Variants in FAM149A observed in about 807,000 individuals in gnomAD.
FAM149A encodes the protein family with sequence similarity 149 member A, also known as protein FAM149A.
FAM149A carries 71 observed loss-of-function variants against 78.2 expected under a neutral mutation model. That is an observed-to-expected ratio of 0.91 (90% CI 0.75 to 1.11). The LOEUF is 1.11. FAM149A is among the 50% of genes least tolerant of loss of function. The pLI is 0.00. For synonymous variants in FAM149A, 446 were observed against 410.5 expected (o/e 1.09, Z -1.04); for missense variants, 1,036 against 971.0 (o/e 1.07, Z -0.89).
Position 186,167,265 on chromosome 4 carries a change from C to T in FAM149A, c.2218+3C>T, listed in dbSNP as rs1007383854. ...GACAGGTCAAAGTATTTTGACAGGT[C>T]AGCTTTTCTCCATATGTAAATAAAG... On this transcript the variant is annotated splice_donor_region_variant and intron_variant, in intron 13 of 13. Coordinates refer to ENST00000389354, the MANE Select transcript of FAM149A (RefSeq NM_001367768.3). 2.5e-6 allele frequency: 4 copies of T among 1,610,050 alleles called. No individual in the cohort carries two copies. The highest frequency in any genetic ancestry group is 2.7e-5 in the African/African-American group (2 of 74,832).
At position 186,167,008 on chromosome 4, in the gene FAM149A, T is replaced by C; in HGVS notation, c.2051T>C (p.Met684Thr). 2 of 1,614,098 alleles carry C rather than the reference T, an allele frequency of 1.2e-6. No individual in the cohort carries two copies. The highest frequency in any genetic ancestry group is 1.7e-6 in the Non-Finnish European group (2 of 1,179,956). ...CTACAAAACCGTGTGTTGAGTGCCA[T>C]GCCTGACGGTACAGAACGATCGCGT... The change falls in exon 12 of 14, where the codon ATG becomes ACG. Residue 684 changes from methionine to threonine, a missense_variant. Met to Thr is a moderately conservative substitution (Grantham distance 81). Transcript: ENST00000389354.
chr4:186,168,702 C>T (rs62350493), intron 13 of FAM149A, among the ~76,000 whole-genome samples: 2,155 of 152,280 alleles, frequency 0.014, 22 homozygotes, highest in Non-Finnish European at 0.022. Context: ...GGGAAGTAGG[C>T]GCCCAAGTTA....
chr4:186,150,512 C>G (rs1277443260), intron 3 of FAM149A, among the ~76,000 whole-genome samples: 1 of 138,292 alleles, frequency 7.2e-6, no homozygotes, highest in African/African-American at 2.7e-5. Context: ...CTCCGCCTCC[C>G]GGGTTCACGC....
chr4:186,129,132 CCTCTGTGTGT>C (rs918661793), intron 1 of FAM149A, among the ~76,000 whole-genome samples: 2 of 130,600 alleles, frequency 1.5e-5, no homozygotes, highest in African/African-American at 5.7e-5. Context: ...TGTGTATGTG[CCTCTGTGTGT>C]CTGTGTGTGT....
At chr4:186,154,966 T>G (rs958102542) in intron 6 of FAM149A, 2 of 867,866 alleles carry the variant, frequency 2.3e-6, no homozygotes, top group Non-Finnish European at 2.7e-6. Flanking sequence ...CGTATTTTGT[T>G]CTTTTTTTTT....
rs545901535 is a variant in FAM149A, at chr4:186,169,394, G to T, written c.2218+2132G>T. On this transcript the variant is annotated intron_variant, in intron 13 of 13. Transcript: ENST00000389354. ...TGGTGCAATGAGGCGCGTGCCCCAT[G>T]CAGACGTCCCCAGGCCCCAGGTGAG... 3.6e-5 allele frequency: 35 copies of T among 985,432 alleles called. No homozygotes were observed. The African/African-American group carries it at 5.8e-4, about 16-fold the overall frequency. 61.0% of individuals were successfully genotyped at this position (985,432 alleles called of 1,614,324 possible).
intron 1 of FAM149A, chr4:186,107,744 C>T (rs1242795107): frequency 6.6e-6 from 1 of 152,232 alleles, no homozygotes; most frequent in Admixed American, 6.5e-5. Flanking sequence ...AGGTAAGTGC[C>T]ATGAGAAGTA....
Position 186,153,734 on chromosome 4 carries a change from C to G in FAM149A, c.1022C>G (p.Pro341Arg). 1.2e-6 allele frequency: 2 copies of G among 1,613,786 alleles called. No individual in the cohort carries two copies. The highest frequency in any genetic ancestry group is 1.7e-6 in the Non-Finnish European group (2 of 1,179,790). Reference sequence around the variant, plus strand: ...CCTGCCTCCGCAGTCCACAGACCCCCGCTCAGTGCCTGCGGACACAGCAGC... The same window carrying G: ...CCTGCCTCCGCAGTCCACAGACCCCGGCTCAGTGCCTGCGGACACAGCAGC... Residue 341 changes from proline to arginine, a missense_variant, in exon 5 of 14, where the codon CCG becomes CGG. By Grantham distance (103) the Pro-to-Arg change is moderately radical. This residue lies in a region of FAM149A where 716 missense variants were observed against 711.8 expected (regional missense o/e 1.01). Transcript: ENST00000389354.
chr4:186,161,255 A>G (rs905809271), intron 8 of FAM149A, among the ~76,000 whole-genome samples: 1 of 152,218 alleles, frequency 6.6e-6, no homozygotes, highest in African/African-American at 2.4e-5. Context: ...TGATTCGTTA[A>G]CATGAGAAAG....
Position 186,144,054 on chromosome 4 carries a change from A to C in FAM149A, c.567-5119A>C, listed in dbSNP as rs980980480. The stretch of plus-strand genomic sequence containing the variant: ...TGAGTGTTGTACCGGCACCCAGTGC[A>C]CTAACTGTCATTACTAAAATCCCTG... On this transcript the variant is annotated intron_variant, in intron 1 of 13. Transcript: ENST00000389354. This position sits in a 1 kb window ranked among gnomAD's most constrained non-coding sequence, Gnocchi z 4.2. 1 of 152,162 alleles carries C rather than the reference A, an allele frequency of 6.6e-6. No individual in the cohort carries two copies. 9.4% of individuals were successfully genotyped at this position (152,162 alleles called of 1,614,324 possible).
chr4:186,136,839 G>A (rs183772217), intron 1 of FAM149A, among the ~76,000 whole-genome samples: 7 of 152,200 alleles, frequency 4.6e-5, no homozygotes, highest in Admixed American at 3.3e-4. Flanking sequence ...CTGCCTTTCC[G>A]TCCACCTGTC....
Position 186,144,697 on chromosome 4 carries a change from A to C in FAM149A, c.567-4476A>C. 3.5e-6 allele frequency: 2 copies of C among 564,236 alleles called. No individual in the cohort carries two copies. The highest frequency in any genetic ancestry group is 4.5e-6 in the Non-Finnish European group (2 of 445,222). 35.0% of individuals were successfully genotyped at this position (564,236 alleles called of 1,614,324 possible). The stretch of plus-strand genomic sequence containing the variant: ...AAACCCGGCCCGGCAGGGAGCGGGG[A>C]AGGCGCGCTTTCCCGGAGGTCGGCG... On this transcript the variant is annotated intron_variant, in intron 1 of 13. Transcript: ENST00000389354. This position sits in a 1 kb window ranked among gnomAD's most constrained non-coding sequence, Gnocchi z 4.2.
chr4:186,167,493 T>C, intron 13 of FAM149A: 3 of 504,332 alleles, frequency 5.9e-6, no homozygotes, highest in Non-Finnish European at 1.1e-5. Flanking sequence ...AAGCTCTCAA[T>C]GAACTGGGGG....
At chr4:186,120,676 C>T (rs1353636370) in intron 1 of FAM149A, among the ~76,000 whole-genome samples, 5 of 149,818 alleles carry the variant, frequency 3.3e-5, no homozygotes, top group Admixed American at 3.3e-4. Context: ...TGCCTGTAGT[C>T]CCAGCTACTC....
intron 3 of FAM149A, among the ~76,000 whole-genome samples, chr4:186,149,954 C>T (rs1004710955): frequency 1.3e-5 from 2 of 152,192 alleles, no homozygotes; most frequent in Admixed American, 6.5e-5. Flanking sequence ...TTCCACCCTG[C>T]AGCCGGCTCT....
rs774929109 is a variant in FAM149A, at chr4:186,157,630, C to T, written c.1486C>T (p.His496Tyr). The change falls in exon 8 of 14, where the codon CAC (histidine) becomes TAC (tyrosine). Residue 496 changes from histidine to tyrosine, a missense_variant. His to Tyr is a moderately conservative substitution (Grantham distance 83, BLOSUM62 2). This residue lies in a region of FAM149A where 716 missense variants were observed against 711.8 expected (regional missense o/e 1.01). Coordinates refer to ENST00000389354, the MANE Select transcript of FAM149A (RefSeq NM_001367768.3). Reference sequence around the variant, plus strand: ...CAGATTTCCGCACGTCCTCGTTCCACACGCTCACGCCGATGGAGCCAGTGG... The same window carrying T: ...CAGATTTCCGCACGTCCTCGTTCCATACGCTCACGCCGATGGAGCCAGTGG... The T allele has an allele frequency of 1.5e-5, 24 of 1,613,942 alleles. No homozygotes were observed. The highest frequency in any genetic ancestry group is 5.0e-5 in the Admixed American group (3 of 60,014).
chr4:186,116,867 A>T, intron 1 of FAM149A: 2 of 558,312 alleles, frequency 3.6e-6, no homozygotes, highest in Non-Finnish European at 4.5e-6. Flanking sequence ...GCTCATAATG[A>T]TAGTCCTATG....
intron 1 of FAM149A, chr4:186,116,208 C>G (rs1364458928): frequency 7.1e-6 from 1 of 140,372 alleles, no homozygotes; most frequent in South Asian, 2.5e-4. Flanking sequence ...ACTCCCTGAC[C>G]CCTTGCGCTT....
In FAM149A at chr4:186,174,973, A is replaced by T. The variant is rs1735675018; in HGVS notation, c.*2986A>T. Among the ~76,000 whole-genome samples the T allele has an allele frequency of 3.6e-5, 4 of 111,572 alleles. 2 individuals are homozygous for T. Among genetic ancestry groups the T allele is most frequent in the Non-Finnish European group, 9.0e-5 (4 of 44,344 alleles). 73.2% of individuals were successfully genotyped at this position (111,572 alleles called of 152,430 possible). ...ATAGATTTTTAAATTCAGATTAGTG[A>T]ATTTTACACTAATTGAATTACATTA... On this transcript the variant is annotated 3_prime_UTR_variant, in exon 14 of 14. Transcript: ENST00000389354.
Sources: allele counts gnomAD v4.1 joint callset (sites outside exome capture counted in the v4.1 genomes callset), GRCh38; gene constraint gnomAD v4.1.1; regional missense constraint gnomAD v4.1.1; non-coding constraint Gnocchi (gnomAD v3.1); transcripts MANE v1.5; gene names NCBI Gene and HGNC (gene_info 2026-07-23, HGNC 2026-07-21).